DMD: variants seen among roughly 807,000 people sequenced by gnomAD.
DMD encodes mutant dystrophin.
In DMD, 63 loss-of-function variants were observed where a neutral mutation model predicts 330.1. That is an observed-to-expected ratio of 0.19 (90% CI 0.16 to 0.24). The LOEUF is 0.24. DMD is among the 10% of genes least tolerant of loss of function. DMD has a pLI of 1.00. For missense variants in DMD, 3,344 were observed against 2,684.1 expected (o/e 1.25, Z -5.43); for synonymous variants, 1,223 against 959.8 (o/e 1.27, Z -5.07).
chrX:32,155,427 C>A (rs147148360), intron 44 of DMD: 2 of 754,443 alleles, frequency 2.7e-6, no homozygotes, highest in South Asian at 1.3e-4. Context: ...TAGTTCAGAG[C>A]AGCCAGCAAT....
At chrX:33,193,475 T>G (rs2148802378) in intron 1 of DMD, among the ~76,000 whole-genome samples, 1 of 112,290 alleles carries the variant, frequency 8.9e-6, no homozygotes, top group East Asian at 2.8e-4. Flanking sequence ...ATAAAAGAGA[T>G]ACAGTGTATA....
chrX:31,277,242 C>G (rs780123540), intron 62 of DMD, among the ~76,000 whole-genome samples: 4 of 110,845 alleles, frequency 3.6e-5, no homozygotes, highest in Non-Finnish European at 7.5e-5. Flanking sequence ...TTTTCATTAC[C>G]TATAGTCACC....
intron 62 of DMD, among the ~76,000 whole-genome samples, chrX:31,268,892 CAGG>C (rs1449885067): frequency 8.9e-6 from 1 of 111,892 alleles, no homozygotes. Flanking sequence ...GCTCAAAATT[CAGG>C]AGTTCTGACA....
intron 12 of DMD, among the ~76,000 whole-genome samples, chrX:32,606,507 C>T (rs2056716077): frequency 9.2e-6 from 1 of 109,100 alleles, no homozygotes; most frequent in Non-Finnish European, 1.9e-5. Flanking sequence ...GGAGATTTCT[C>T]AAAGAACTTA....
chrX:32,230,344 A>C (rs1391315246), intron 43 of DMD, among the ~76,000 whole-genome samples: 1 of 111,756 alleles, frequency 8.9e-6, no homozygotes, highest in Non-Finnish European at 1.9e-5. Flanking sequence ...TCCCAGGTTC[A>C]CGCCTTTCTC....
Position 31,403,292 on chromosome X carries a change from A to G in DMD, c.9084+41189T>C, listed in dbSNP as rs746745781. 1.2e-4 allele frequency among the ~76,000 whole-genome samples: 13 copies of G among 112,010 alleles called. No homozygotes were observed. The South Asian group carries it at 4.9e-3, about 42-fold the overall frequency. On this transcript the variant is annotated intron_variant, in intron 60 of 78. Transcript: ENST00000357033. ...ACACTGAACTTGACACGAAGAGAAG[A>G]AAGTCCTTTCTGATGAGAGCATGTA... is the stretch of plus-strand genomic sequence containing the variant.
chrX:32,768,727 T>TA (rs1051159277), intron 7 of DMD, among the ~76,000 whole-genome samples: 26 of 112,229 alleles, frequency 2.3e-4, no homozygotes, highest in Admixed American at 2.2e-3. Flanking sequence ...TGACTTGAGG[T>TA]AATTAAGCTC....
intron 7 of DMD, among the ~76,000 whole-genome samples, chrX:32,768,188 T>C (rs1313801495): frequency 8.9e-6 from 1 of 112,052 alleles, no homozygotes; most frequent in African/African-American, 3.2e-5. Flanking sequence ...ATATGCTATC[T>C]TGCAAACACT....
chrX:32,007,240 TAATAATAA>T (rs2095669243), intron 44 of DMD, among the ~76,000 whole-genome samples: 1 of 104,698 alleles, frequency 9.6e-6, no homozygotes, highest in Non-Finnish European at 2.0e-5. Context: ...ATAATAATAA[TAATAATAA>T]TAAAGAAAAG....
chrX:32,378,674 TA>T (rs1198939885), intron 34 of DMD, among the ~76,000 whole-genome samples: 4 of 110,994 alleles, frequency 3.6e-5, no homozygotes, highest in Non-Finnish European at 7.6e-5. Flanking sequence ...TTTAAAATAA[TA>T]AAAAAGAAAT....
chrX:32,357,660 T>TACACACACACAC (rs3044986), intron 37 of DMD, among the ~76,000 whole-genome samples: 244 of 94,858 alleles, frequency 2.6e-3, no homozygotes, highest in African/African-American at 8.7e-3. Context: ...CATACACAGA[T>TACACACACACAC]ACACACACAC....
chrX:31,275,159 GT>G (rs2051999273), intron 62 of DMD, among the ~76,000 whole-genome samples: 1 of 15,390 alleles, frequency 6.5e-5, no homozygotes, highest in Non-Finnish European at 1.3e-4. Context: ...CAGGTTTTGT[GT>G]GTGTGTGTGT....
intron 1 of DMD, among the ~76,000 whole-genome samples, chrX:33,119,175 T>C (rs139090699): frequency 3.6e-5 from 4 of 112,133 alleles, no homozygotes; most frequent in East Asian, 2.8e-4. Context: ...GTATATATAA[T>C]AGAGAAGGAG....
chrX:32,732,810 G>A (rs2067889328), intron 7 of DMD, among the ~76,000 whole-genome samples: 1 of 110,250 alleles, frequency 9.1e-6, no homozygotes, highest in African/African-American at 3.3e-5. Context: ...GCAAAATCAT[G>A]CCAAAATGTA....
intron 1 of DMD, among the ~76,000 whole-genome samples, chrX:33,186,719 G>A (rs2050281283): frequency 9.0e-6 from 1 of 111,129 alleles, no homozygotes; most frequent in Non-Finnish European, 1.9e-5. Context: ...GTAATCCAGC[G>A]TGTAATTTCA....
intron 44 of DMD, among the ~76,000 whole-genome samples, chrX:32,034,963 C>T (rs987511972): frequency 9.0e-6 from 1 of 111,572 alleles, no homozygotes; most frequent in African/African-American, 3.3e-5. Flanking sequence ...GGTCAAAATA[C>T]TTTATTTGCT....
intron 17 of DMD, among the ~76,000 whole-genome samples, chrX:32,538,655 A>G (rs547488194): frequency 6.3e-5 from 7 of 111,031 alleles, no homozygotes; most frequent in African/African-American, 2.0e-4. Flanking sequence ...ATGACAAGAC[A>G]CTCCAGTGAA....
At chrX:32,476,980 C>T (rs2041305134) in intron 21 of DMD, among the ~76,000 whole-genome samples, 2 of 111,119 alleles carry the variant, frequency 1.8e-5, no homozygotes, top group African/African-American at 6.5e-5. Context: ...CTTAAAAGAC[C>T]TCGAGAGTTC....
chrX:32,307,500 T>C (rs1354341602), intron 42 of DMD, among the ~76,000 whole-genome samples: 3 of 111,687 alleles, frequency 2.7e-5, no homozygotes, highest in Admixed American at 9.5e-5. Context: ...CAGCTACCAG[T>C]CAGAGTACAA....
Sources: gnomAD v4.1 joint callset for allele counts (sites outside exome capture counted in the v4.1 genomes callset) on GRCh38, gnomAD v4.1.1 for gene constraint, MANE v1.5 for transcripts, NCBI Gene and HGNC (gene_info 2026-07-23, HGNC 2026-07-21) for gene names.